Variants in GLRA2 observed in about 807,000 individuals in gnomAD.
GLRA2 encodes the protein glycine receptor subunit alpha-2.
Under a neutral mutation model 31.6 loss-of-function variants are expected in GLRA2, and 11 were observed. The ratio of observed to expected loss-of-function variants is 0.35; its 90% confidence interval spans 0.22 to 0.58. The LOEUF (loss-of-function observed/expected upper bound fraction) is 0.58, where lower values mean the gene tolerates loss of function less well. Among genes scored for constraint, GLRA2 ranks in the 20% least tolerant of loss-of-function variants. The probability of loss-of-function intolerance (pLI) is 0.84; values close to 1 mark genes in which losing one functional copy is unlikely to be tolerated. For synonymous variants in GLRA2, 132 were observed against 134.0 expected (o/e 0.99, Z 0.10); for missense variants, 212 against 351.8 (o/e 0.60, Z 3.18).
chrX:14,581,055 A>G (rs2090011082), intron 3 of GLRA2, 128 bp from the exon 4 acceptor site: 1 of 463,454 alleles, frequency 2.2e-6, no homozygotes, highest in Non-Finnish European at 3.8e-6. Flanking sequence ...ATTTTGACCA[A>G]GGTATACACA....
chrX:14,532,206 A>G lies in GLRA2; in HGVS notation c.69-33A>G, dbSNP rs769756463. 7.6e-6 allele frequency: 8 copies of G among 1,052,753 alleles called. No individual in the cohort carries two copies. In the East Asian group the frequency reaches 2.7e-4, roughly 35 times the overall value. The allele number at this position is 1,052,753 out of a possible 1,213,427, so 86.8% of individuals were successfully genotyped here. ...GTTAGCTCTCAAGGGATGCAAATGA[A>G]ATTGTTGCTAAAAGAGTTAATGATG... is the stretch of plus-strand genomic sequence containing the variant. On this transcript the variant is annotated intron_variant, in intron 1 of 8. Coordinates refer to ENST00000218075, the MANE Select transcript of GLRA2 (RefSeq NM_002063.4).
chrX:14,672,770 C>T (rs1444044690), intron 7 of GLRA2, among the ~76,000 whole-genome samples: 1 of 112,005 alleles, frequency 8.9e-6, no homozygotes, highest in East Asian at 2.8e-4. Flanking sequence ...GTTTTCTCCT[C>T]CCCACATGGA....
chrX:14,712,946 C>T (rs955974665), intron 8 of GLRA2, among the ~76,000 whole-genome samples: 2 of 112,008 alleles, frequency 1.8e-5, no homozygotes, highest in South Asian at 7.4e-4. Context: ...ACTGAAAAAT[C>T]CTAACCTGCA....
intron 8 of GLRA2, among the ~76,000 whole-genome samples, chrX:14,705,616 G>A (rs1296868537): frequency 8.9e-6 from 1 of 112,272 alleles, no homozygotes; most frequent in Non-Finnish European, 1.9e-5. Flanking sequence ...CCTGTCAGGA[G>A]TAATTAATTA....
chrX:14,622,671 T>C (rs2147109977), intron 7 of GLRA2, among the ~76,000 whole-genome samples: 1 of 111,810 alleles, frequency 8.9e-6, no homozygotes, highest in East Asian at 2.8e-4. Context: ...TATAGATGTG[T>C]GGTATTATTT....
At chrX:14,571,769 C>T (rs28543990) in intron 2 of GLRA2, among the ~76,000 whole-genome samples, 1 of 31,943 alleles carries the variant, frequency 3.1e-5, no homozygotes, top group East Asian at 4.1e-4. Flanking sequence ...GAACCTTGAA[C>T]CAAAAAAAAG....
chrX:14,665,050 C>T (rs2091025630), intron 7 of GLRA2, among the ~76,000 whole-genome samples: 1 of 111,589 alleles, frequency 9.0e-6, no homozygotes, highest in African/African-American at 3.3e-5. Context: ...TAATTTTGTA[C>T]CCTGCCTCTG....
chrX:14,537,101 T>A (rs2089335984), intron 2 of GLRA2, among the ~76,000 whole-genome samples: 1 of 110,772 alleles, frequency 9.0e-6, no homozygotes, highest in African/African-American at 3.3e-5. Context: ...TAAGGGAGAA[T>A]AGAAAGAAGG....
chrX:14,650,618 C>CA (rs776847764), intron 7 of GLRA2, among the ~76,000 whole-genome samples: 43 of 110,133 alleles, frequency 3.9e-4, no homozygotes, highest in African/African-American at 1.3e-3. Context: ...TACCATGGAC[C>CA]AAAAAAAATG....
At position 14,730,846 on chromosome X, in the gene GLRA2, G is replaced by T; in HGVS notation, c.*361G>T. The T allele has an allele frequency of 6.0e-6, 1 of 166,348 alleles. No individual in the cohort carries two copies. Among genetic ancestry groups the T allele is most frequent in the Non-Finnish European group, 1.1e-5 (1 of 89,052 alleles). 13.7% of individuals were successfully genotyped at this position (166,348 alleles called of 1,213,427 possible). ...GGGCTGTTTGCCTTTTGGTCCTTTT[G>T]GTTTGGTTTGGCTTTGACTAATTCT... is the stretch of plus-strand genomic sequence containing the variant. On this transcript the variant is annotated 3_prime_UTR_variant, in exon 9 of 9. Coordinates refer to ENST00000218075, the MANE Select transcript of GLRA2 (RefSeq NM_002063.4).
the GLRA2 span, among the ~76,000 whole-genome samples, chrX:14,457,223 T>G: frequency 8.9e-6 from 1 of 112,047 alleles, no homozygotes; most frequent in Non-Finnish European, 1.9e-5. Flanking sequence ...AAATTATACT[T>G]TAAGTTCTGG....
At chrX:14,571,655 C>T (rs1601722493) in intron 2 of GLRA2, among the ~76,000 whole-genome samples, 1 of 111,583 alleles carries the variant, frequency 9.0e-6, no homozygotes, top group African/African-American at 3.2e-5. Context: ...CATTCACTGG[C>T]ACACAGCAAG....
At chrX:14,470,767 A>G in the GLRA2 span, among the ~76,000 whole-genome samples, 1 of 111,747 alleles carries the variant, frequency 8.9e-6, no homozygotes, top group Non-Finnish European at 1.9e-5. Flanking sequence ...TTTCTTTTAA[A>G]ATGAGTTGTT....
intron 7 of GLRA2, among the ~76,000 whole-genome samples, chrX:14,614,436 T>G (rs2090433465): frequency 9.0e-6 from 1 of 111,391 alleles, no homozygotes; most frequent in Middle Eastern, 4.2e-3. Flanking sequence ...CCCATACAAC[T>G]TCTTACTCCT....
the GLRA2 span, among the ~76,000 whole-genome samples, chrX:14,450,565 A>C: frequency 8.9e-6 from 1 of 111,917 alleles, no homozygotes; most frequent in East Asian, 2.8e-4. Context: ...TCTGCTTTAT[A>C]TGTAAAGAGA....
At chrX:14,700,254 C>G (rs1018622407) in intron 8 of GLRA2, among the ~76,000 whole-genome samples, 7 of 110,561 alleles carry the variant, frequency 6.3e-5, no homozygotes, top group Non-Finnish European at 9.5e-5. Flanking sequence ...ATAAGATTAC[C>G]CAGCAGGAGT....
intron 2 of GLRA2, among the ~76,000 whole-genome samples, chrX:14,551,258 A>G (rs1217429873): frequency 8.9e-6 from 1 of 112,133 alleles, no homozygotes; most frequent in Admixed American, 9.5e-5. Context: ...CACCAAGCCT[A>G]TAATCATTTC....
At chrX:14,455,516 G>A in the GLRA2 span, among the ~76,000 whole-genome samples, 2 of 111,584 alleles carry the variant, frequency 1.8e-5, no homozygotes, top group Non-Finnish European at 3.8e-5. Flanking sequence ...AGTGATATTT[G>A]TTTTAAATAA....
chrX:14,524,329 C>T (rs1309095220), upstream of GLRA2, among the ~76,000 whole-genome samples: 1 of 111,828 alleles, frequency 8.9e-6, no homozygotes, highest in Non-Finnish European at 1.9e-5. Flanking sequence ...GAGGTCTTCT[C>T]ATCTAGAAAT....
Sources: allele counts gnomAD v4.1 joint callset (sites outside exome capture counted in the v4.1 genomes callset), GRCh38; gene constraint gnomAD v4.1.1; transcripts MANE v1.5; gene names NCBI Gene and HGNC (gene_info 2026-07-23, HGNC 2026-07-21).